Variants in IGFL2 observed in about 807,000 individuals in gnomAD.
IGFL2 encodes the protein IGF like family member 2, also known as insulin growth factor-like family member 2.
IGFL2 carries 7 observed loss-of-function variants against 13.9 expected under a neutral mutation model. That is an observed-to-expected ratio of 0.51 (90% confidence interval 0.29 to 0.95). The LOEUF is 0.95. Among genes scored for constraint, IGFL2 ranks in the 40% least tolerant of loss-of-function variants. IGFL2 has a pLI of 0.08. For missense variants in IGFL2, 138 were observed against 147.8 expected, an observed-to-expected ratio of 0.93 and a Z score of 0.34; for synonymous variants, 55 against 55.8, an observed-to-expected ratio of 0.99 and a Z score of 0.07.
the IGFL2 span, among the ~76,000 whole-genome samples, chr19:46,205,712 A>G: frequency 2.0e-5 from 3 of 152,188 alleles, no homozygotes; most frequent in South Asian, 2.1e-4. Flanking sequence ...GTTTGAGACA[A>G]TGAACCTTGT....
the IGFL2 span, among the ~76,000 whole-genome samples, chr19:46,184,904 C>G: frequency 6.6e-6 from 1 of 152,158 alleles, no homozygotes; most frequent in Non-Finnish European, 1.5e-5. Context: ...TTCTCCACAT[C>G]TTCTGTTGTT....
At chr19:46,146,368 G>A (rs1973139469), upstream of IGFL2, among the ~76,000 whole-genome samples, 1 of 152,184 alleles carries the variant, frequency 6.6e-6, no homozygotes, top group South Asian at 2.1e-4. Context: ...TGTAGCTTGA[G>A]TAATTGTGAA....
chr19:46,124,542 TAA>T, the IGFL2 span: 1 of 1,326,902 alleles, frequency 7.5e-7, no homozygotes. Flanking sequence ...ATGTTAGAGA[TAA>T]AGAGGAATAA....
At chr19:46,096,433 G>A in the IGFL2 span, among the ~76,000 whole-genome samples, 17 of 152,154 alleles carry the variant, frequency 1.1e-4, no homozygotes, top group South Asian at 3.1e-3. Context: ...GAGACAATGG[G>A]GTTTTCTAGT....
upstream of IGFL2, among the ~76,000 whole-genome samples, chr19:46,140,081 C>G (rs560319311): frequency 6.6e-6 from 1 of 152,108 alleles, no homozygotes; most frequent in Non-Finnish European, 1.5e-5. Flanking sequence ...TCCTGAGTAG[C>G]TGGGATTACA....
At chr19:46,143,892 G>T (rs555876563), upstream of IGFL2, among the ~76,000 whole-genome samples, 1 of 152,090 alleles carries the variant, frequency 6.6e-6, no homozygotes, top group African/African-American at 2.4e-5. Flanking sequence ...GACCCAACAC[G>T]TGGCCTCTGT....
downstream of IGFL2, among the ~76,000 whole-genome samples, chr19:46,163,451 C>T (rs1158543278): frequency 6.6e-6 from 1 of 152,146 alleles, no homozygotes; most frequent in African/African-American, 2.4e-5. Context: ...TGGGTCCATG[C>T]CAGGGGTTCC....
chr19:46,196,420 T>C, the IGFL2 span, among the ~76,000 whole-genome samples: 9 of 151,968 alleles, frequency 5.9e-5, no homozygotes, highest in African/African-American at 1.9e-4. Context: ...CCACAGCCCC[T>C]GGGTCAGCCC....
At chr19:46,212,566 G>C in the IGFL2 span, 3 of 152,034 alleles carry the variant, frequency 2.0e-5, no homozygotes, top group Non-Finnish European at 4.4e-5. Context: ...TCACACACCC[G>C]ACCCTCTGAA....
chr19:46,117,200 G>C, the IGFL2 span, among the ~76,000 whole-genome samples: 4 of 152,114 alleles, frequency 2.6e-5, no homozygotes, highest in African/African-American at 9.6e-5. Flanking sequence ...AGAGAATAAA[G>C]GTTAATTGAG....
the IGFL2 span, among the ~76,000 whole-genome samples, chr19:46,201,790 A>G: frequency 6.6e-6 from 1 of 152,204 alleles, no homozygotes. Context: ...GAAGGGCGGC[A>G]CTGAGATGTG....
the IGFL2 span, among the ~76,000 whole-genome samples, chr19:46,125,029 G>GCCCCT: frequency 1.4e-5 from 2 of 141,116 alleles, no homozygotes; most frequent in East Asian, 2.2e-4. Context: ...GCTCCAATCA[G>GCCCCT]AGAGAATGCT....
the IGFL2 span, among the ~76,000 whole-genome samples, chr19:46,193,972 A>C: frequency 2.0e-5 from 3 of 152,116 alleles, no homozygotes; most frequent in Non-Finnish European, 2.9e-5. Flanking sequence ...CATTTCTGGG[A>C]GCCTAGAAGT....
downstream of IGFL2, among the ~76,000 whole-genome samples, chr19:46,164,818 A>C (rs1974322035): frequency 6.6e-6 from 1 of 152,214 alleles, no homozygotes; most frequent in Non-Finnish European, 1.5e-5. Context: ...TACAAACTGC[A>C]GGCCCCACCT....
the IGFL2 span, chr19:46,120,000 G>A: frequency 1.4e-5 from 5 of 365,314 alleles, no homozygotes; most frequent in Non-Finnish European, 2.0e-5. Context: ...GAACAGCTCG[G>A]TGTGACAGCC....
At chr19:46,105,983 G>A in the IGFL2 span, among the ~76,000 whole-genome samples, 2 of 152,120 alleles carry the variant, frequency 1.3e-5, no homozygotes, top group Admixed American at 6.5e-5. Context: ...AAAGGATTTA[G>A]GATTTATGGG....
intron 1 of IGFL2, among the ~76,000 whole-genome samples, chr19:46,157,253 GAATTC>G (rs761068328): frequency 1.2e-4 from 18 of 152,084 alleles, no homozygotes; most frequent in Non-Finnish European, 2.2e-4. Flanking sequence ...GAATAGGAGG[GAATTC>G]AATTCATTTC....
chr19:46,161,238 G>A lies in IGFL2; in HGVS notation c.*150G>A, dbSNP rs189157521. 3.3e-6 allele frequency: 2 copies of A among 615,356 alleles called. No homozygotes were observed. The highest frequency in any genetic ancestry group is 1.8e-5 in the African/African-American group (1 of 54,242). 38.1% of individuals were successfully genotyped at this position (615,356 alleles called of 1,614,324 possible). ...CCCATGTGGGAGACTGATGGGACAT[G>A]GAGAATGACAGTAGATTATCAGGAA... On this transcript the variant is annotated 3_prime_UTR_variant, in exon 4 of 4. Coordinates refer to ENST00000377693, the MANE Select transcript of IGFL2 (RefSeq NM_001135113.2).
chr19:46,186,875 C>T, the IGFL2 span, among the ~76,000 whole-genome samples: 1 of 152,338 alleles, frequency 6.6e-6, no homozygotes, highest in East Asian at 1.9e-4. Flanking sequence ...GATGCCTGCT[C>T]TCTTAACGAG....
Sources: gnomAD v4.1 joint callset for allele counts (sites outside exome capture counted in the v4.1 genomes callset) on GRCh38, gnomAD v4.1.1 for gene constraint, MANE v1.5 for transcripts, NCBI Gene and HGNC (gene_info 2026-07-23, HGNC 2026-07-21) for gene names.